The following KAZN variants were observed in gnomAD, a reference collection of about 807,000 sequenced individuals.
KAZN encodes kazrin.
KAZN carries 40 observed loss-of-function variants against 87.4 expected under a neutral mutation model. That is an observed-to-expected ratio of 0.46 (90% CI 0.36 to 0.60). The LOEUF (loss-of-function observed/expected upper bound fraction) is 0.60. KAZN is among the 20% of genes least tolerant of loss of function. KAZN has a pLI of 0.00. For synonymous variants in KAZN, 466 were observed against 458.3 expected, an observed-to-expected ratio of 1.02 and a Z score of -0.22; for missense variants, 898 against 1,073.9, an observed-to-expected ratio of 0.84 and a Z score of 2.29.
At chr1:14,207,422 G>T (rs950557323) in intron 2 of KAZN, among the ~76,000 whole-genome samples, 1 of 152,036 alleles carries the variant, frequency 6.6e-6, no homozygotes, top group Non-Finnish European at 1.5e-5. Flanking sequence ...CTCCCAACCC[G>T]AGCATCATGT....
At chr1:14,740,417 A>G (rs2100426472) in intron 1 of KAZN, among the ~76,000 whole-genome samples, 1 of 152,058 alleles carries the variant, frequency 6.6e-6, no homozygotes, top group East Asian at 1.9e-4. Context: ...TTCCTTTAGC[A>G]CCTTTGGTCC....
At chr1:14,715,649 G>A (rs1642754857) in intron 1 of KAZN, among the ~76,000 whole-genome samples, 1 of 152,134 alleles carries the variant, frequency 6.6e-6, no homozygotes, top group Admixed American at 6.5e-5. Flanking sequence ...CACCTCTTAG[G>A]GCCTAATACA....
intron 1 of KAZN, among the ~76,000 whole-genome samples, chr1:14,057,945 T>G (rs528548277): frequency 6.6e-6 from 1 of 152,354 alleles, no homozygotes; most frequent in Non-Finnish European, 1.5e-5. Flanking sequence ...TGTTCCAGTT[T>G]CATCACTTGC....
intron 2 of KAZN, among the ~76,000 whole-genome samples, chr1:14,338,057 G>C (rs1020082665): frequency 6.6e-6 from 1 of 152,124 alleles, no homozygotes; most frequent in African/African-American, 2.4e-5. Context: ...ATTCTGGTGA[G>C]AATGGACCCC....
intron 1 of KAZN, among the ~76,000 whole-genome samples, chr1:14,823,901 G>A (rs1034615342): frequency 1.2e-4 from 19 of 152,250 alleles, no homozygotes; most frequent in African/African-American, 3.9e-4. Flanking sequence ...ATCACCTGAG[G>A]TCAGGAGTTC....
Position 14,949,155 on chromosome 1 carries a change from A to AAATAATAAT in KAZN, c.227-11502_227-11494dup, listed in dbSNP as rs3039717. Among the ~76,000 whole-genome samples the AAATAATAAT allele has an allele frequency of 0.019, 2,764 of 143,794 alleles. 53 individuals are homozygous for AAATAATAAT. Among genetic ancestry groups the AAATAATAAT allele is most frequent in the East Asian group, 0.045 (225 of 5,012 alleles). 94.3% of individuals were successfully genotyped at this position (143,794 alleles called of 152,430 possible). ...GCAACAGAGTGAGACTCCGACTCAA[A>AAATAATAAT]AATAATAATAATAATAATAATAATA... On this transcript the variant is annotated intron_variant, in intron 1 of 14. Coordinates refer to ENST00000376030, the MANE Select transcript of KAZN (RefSeq NM_201628.3). The surrounding 1 kb of genome is among the most constrained non-coding windows in gnomAD (Gnocchi z 4.3).
intron 2 of KAZN, among the ~76,000 whole-genome samples, chr1:15,023,631 CAGG>C (rs1437290174): frequency 1.3e-5 from 2 of 152,008 alleles, no homozygotes; most frequent in Non-Finnish European, 2.9e-5. Context: ...TTGATGGGGA[CAGG>C]AGTTGTGGGA....
intron 2 of KAZN, among the ~76,000 whole-genome samples, chr1:14,502,595 G>A (rs76574329): frequency 0.031 from 4,716 of 152,084 alleles, 96 homozygotes; most frequent in Admixed American, 0.055. Context: ...TTATCTTCTG[G>A]CAAACGGTCA....
intron 1 of KAZN, among the ~76,000 whole-genome samples, chr1:14,757,107 C>G (rs1250680962): frequency 6.6e-6 from 1 of 152,214 alleles, no homozygotes; most frequent in Non-Finnish European, 1.5e-5. Flanking sequence ...GATTTCAAGG[C>G]CAGTGACTCT....
At chr1:14,656,578 C>G (rs1638805982) in intron 1 of KAZN, among the ~76,000 whole-genome samples, 1 of 152,238 alleles carries the variant, frequency 6.6e-6, no homozygotes, top group South Asian at 2.1e-4. Flanking sequence ...AATTGACTCA[C>G]AGTTCTGCAG....
chr1:13,947,077 AGTCT>A (rs1407324034), intron 1 of KAZN, among the ~76,000 whole-genome samples: 1 of 152,008 alleles, frequency 6.6e-6, no homozygotes, highest in Admixed American at 6.6e-5. Flanking sequence ...TCACTGTATT[AGTCT>A]GTTTTCACAC....
At chr1:14,508,351 A>G (rs1376984005) in intron 2 of KAZN, among the ~76,000 whole-genome samples, 2 of 152,124 alleles carry the variant, frequency 1.3e-5, no homozygotes. Context: ...ATTACCCCCA[A>G]GACTTCATGA....
Position 14,904,837 on chromosome 1 carries a change from C to T in KAZN, c.227-55847C>T, listed in dbSNP as rs1656327961. ...GATGCAGTGGTGCGATCTCCACTCA[C>T]TGCAAGCTCCGCCACTCGGGTTCAC... On this transcript the variant is annotated intron_variant, in intron 1 of 14. Transcript: ENST00000376030. 2.0e-5 allele frequency among the ~76,000 whole-genome samples: 3 copies of T among 152,328 alleles called. No homozygotes were observed. The South Asian group carries it at 6.2e-4, about 32-fold the overall frequency.
At chr1:14,351,321 T>C (rs1249834536) in intron 2 of KAZN, among the ~76,000 whole-genome samples, 1 of 152,218 alleles carries the variant, frequency 6.6e-6, no homozygotes, top group East Asian at 1.9e-4. Flanking sequence ...ATCCCAGCAC[T>C]TTGGGAGGCC....
At chr1:14,174,183 G>A (rs1423315312) in intron 1 of KAZN, among the ~76,000 whole-genome samples, 3 of 152,190 alleles carry the variant, frequency 2.0e-5, no homozygotes, top group Non-Finnish European at 2.9e-5. Flanking sequence ...GGGGGCTGGC[G>A]AAAAGGTGGT....
intron 1 of KAZN, among the ~76,000 whole-genome samples, chr1:14,784,401 G>T (rs111500822): frequency 3.9e-5 from 6 of 152,154 alleles, no homozygotes; most frequent in African/African-American, 1.4e-4. Context: ...GGGGAGGTAT[G>T]GGCTCTCTGC....
chr1:14,076,691 G>A (rs771860607), intron 1 of KAZN, among the ~76,000 whole-genome samples: 2 of 152,174 alleles, frequency 1.3e-5, no homozygotes, highest in Non-Finnish European at 2.9e-5. Flanking sequence ...ATTACCTATG[G>A]CTGCTTTCAC....
At chr1:14,236,837 T>C (rs1421782794) in intron 2 of KAZN, among the ~76,000 whole-genome samples, 1 of 152,076 alleles carries the variant, frequency 6.6e-6, no homozygotes, top group Non-Finnish European at 1.5e-5. Context: ...GGTGGCCAGA[T>C]TGATTGAGCC....
At chr1:14,942,944 C>G (rs985470257) in intron 1 of KAZN, among the ~76,000 whole-genome samples, 5 of 150,704 alleles carry the variant, frequency 3.3e-5, no homozygotes, top group Middle Eastern at 3.4e-3. Flanking sequence ...GCCCTTCTGT[C>G]TTCCTGCTTG....
Sources: gnomAD v4.1 joint callset for allele counts (sites outside exome capture counted in the v4.1 genomes callset) on GRCh38, gnomAD v4.1.1 for gene constraint, Gnocchi (gnomAD v3.1) non-coding constraint, MANE v1.5 for transcripts, NCBI Gene and HGNC (gene_info 2026-07-23, HGNC 2026-07-21) for gene names.